The following RPA3 variants were observed in gnomAD, a reference collection of about 807,000 sequenced individuals.
The protein encoded by RPA3 is replication protein A3.
RPA3 carries 24 observed loss-of-function variants against 13.7 expected under a neutral mutation model. That is an observed-to-expected ratio of 1.75 (90% confidence interval 1.27 to 2.46). The LOEUF is 2.46. Among genes scored for constraint, RPA3 ranks in the 30% most tolerant of loss-of-function variants. RPA3 has a pLI of 0.00. For synonymous variants in RPA3, 59 were observed against 51.2 expected (o/e 1.15, Z -0.65); for missense variants, 183 against 151.0 (o/e 1.21, Z -1.11).
chr7:7,662,388 G>A (rs949554785), intron 4 of RPA3, among the ~76,000 whole-genome samples: 3 of 152,144 alleles, frequency 2.0e-5, no homozygotes, highest in African/African-American at 4.8e-5. Flanking sequence ...CAGCTAGCTC[G>A]ATGTCTGCCT....
chr7:7,680,419 C>T (rs977576922), intron 4 of RPA3, among the ~76,000 whole-genome samples: 2 of 152,032 alleles, frequency 1.3e-5, no homozygotes, highest in African/African-American at 4.8e-5. Context: ...TATGCCGGTA[C>T]TGTGCTATTT....
At chr7:7,660,583 A>C (rs896282930) in intron 4 of RPA3, among the ~76,000 whole-genome samples, 16 of 152,290 alleles carry the variant, frequency 1.1e-4, no homozygotes, top group African/African-American at 3.9e-4. Flanking sequence ...CTGGATATGA[A>C]ATTCTGTGTT....
chr7:7,673,307 A>G, intron 4 of RPA3: 2 of 1,080,634 alleles, frequency 1.9e-6, no homozygotes, highest in African/African-American at 3.6e-5. Flanking sequence ...TTTCTATTTC[A>G]GGTAGCAGCA....
intron 5 of RPA3, 112 bp downstream of exon 5, chr7:7,640,208 G>T: frequency 8.7e-7 from 1 of 1,146,416 alleles, no homozygotes; most frequent in Non-Finnish European, 1.3e-6. Context: ...AAATAAAGGA[G>T]TCGGGGGCGC....
At chr7:7,664,660 G>T (rs1364026926) in intron 4 of RPA3, among the ~76,000 whole-genome samples, 1 of 152,174 alleles carries the variant, frequency 6.6e-6, no homozygotes, top group East Asian at 1.9e-4. Flanking sequence ...CACATCAGAT[G>T]AAGTTAAACT....
chr7:7,691,516 A>G (rs936484144), intron 2 of RPA3, among the ~76,000 whole-genome samples: 5 of 152,206 alleles, frequency 3.3e-5, no homozygotes, highest in Admixed American at 1.3e-4. Context: ...CATGACATTC[A>G]CTATATGAAG....
At chr7:7,649,175 A>AAAAAAAG (rs1563082634) in intron 4 of RPA3, among the ~76,000 whole-genome samples, 9 of 104,518 alleles carry the variant, frequency 8.6e-5, no homozygotes, top group East Asian at 3.0e-4. Flanking sequence ...AAAAAAAAAA[A>AAAAAAAG]AAAAGAAAAG....
At chr7:7,679,711 A>AATATATATATATATATATATAT (rs372324513) in intron 4 of RPA3, among the ~76,000 whole-genome samples, 1 of 128,468 alleles carries the variant, frequency 7.8e-6, no homozygotes, top group African/African-American at 3.2e-5. Flanking sequence ...TTTATAGATA[A>AATATATATATATATATATATAT]ATATATATAT....
chr7:7,700,442 C>A (rs1276677710), intron 2 of RPA3, among the ~76,000 whole-genome samples: 1 of 152,052 alleles, frequency 6.6e-6, no homozygotes, highest in African/African-American at 2.4e-5. Context: ...AAGAAAAAGT[C>A]AGGCTGGGTG....
chr7:7,668,176 G>C (rs959911246), intron 4 of RPA3, among the ~76,000 whole-genome samples: 1 of 152,066 alleles, frequency 6.6e-6, no homozygotes, highest in Non-Finnish European at 1.5e-5. Flanking sequence ...GTCTCCCAAA[G>C]TGCTGGGATT....
chr7:7,668,224 C>T (rs1779519054), intron 4 of RPA3, among the ~76,000 whole-genome samples: 1 of 152,050 alleles, frequency 6.6e-6, no homozygotes, highest in Non-Finnish European at 1.5e-5. Flanking sequence ...TACTTTACTT[C>T]TTTTACTTAC....
At chr7:7,708,558 GAA>G (rs1780666190) in intron 2 of RPA3, among the ~76,000 whole-genome samples, 1 of 152,128 alleles carries the variant, frequency 6.6e-6, no homozygotes, top group Non-Finnish European at 1.5e-5. Flanking sequence ...TTTATAACTT[GAA>G]ACATTGAAAG....
At chr7:7,685,779 A>T (rs1381580598) in intron 4 of RPA3, 51 bp downstream of exon 4, 1 of 152,208 alleles carries the variant, frequency 6.6e-6, no homozygotes, top group African/African-American at 2.4e-5. Flanking sequence ...AAAAGAAAAA[A>T]ATTTAAGTGT....
At chr7:7,649,139 C>A (rs10234456) in intron 4 of RPA3, among the ~76,000 whole-genome samples, 36,337 of 124,746 alleles carry the variant, frequency 0.29, 4,832 homozygotes, top group Admixed American at 0.4. Context: ...GCCCGTGCGA[C>A]AAGAGCGAGA....
At position 7,639,091 on chromosome 7, in the gene RPA3, T is replaced by A; in HGVS notation, c.153A>T (p.Gly51=). The A allele has an allele frequency of 6.2e-7, 1 of 1,612,694 alleles. No homozygotes were observed. ...FILSDGEGKN[G]TIELMEPLDE... is the part of the protein sequence containing the mutation. ...ATACGGGTTCCATCAACTCGATGGT[T>A]CCATTTTTTCCTTCTCCATCTGAAA... Residue 51 remains glycine, a synonymous_variant, in exon 6 of 8, where the codon GGA becomes GGT. Coordinates refer to ENST00000223129, the MANE Select transcript of RPA3 (RefSeq NM_002947.5).
At chr7:7,717,749 A>G (rs931035158) in intron 1 of RPA3, among the ~76,000 whole-genome samples, 9 of 152,224 alleles carry the variant, frequency 5.9e-5, no homozygotes, top group Admixed American at 2.0e-4. Context: ...TTGTCATTGT[A>G]TAGTTCAGGA....
chr7:7,660,777 T>C (rs973640704), intron 4 of RPA3, among the ~76,000 whole-genome samples: 3 of 152,174 alleles, frequency 2.0e-5, no homozygotes, highest in Admixed American at 6.5e-5. Context: ...CAATTATGTG[T>C]CTTGAGGTTG....
At chr7:7,700,963 T>C (rs1280407909) in intron 2 of RPA3, among the ~76,000 whole-genome samples, 4 of 152,040 alleles carry the variant, frequency 2.6e-5, no homozygotes, top group Non-Finnish European at 5.9e-5. Flanking sequence ...GGCAAGAGAA[T>C]TGCTTGAGCC....
At chr7:7,683,686 G>A (rs1294223625) in intron 4 of RPA3, among the ~76,000 whole-genome samples, 1 of 151,776 alleles carries the variant, frequency 6.6e-6, no homozygotes, top group Non-Finnish European at 1.5e-5. Flanking sequence ...GCAGTGGCAT[G>A]GTCTCTGTTC....
Sources: gnomAD v4.1 joint callset for allele counts (sites outside exome capture counted in the v4.1 genomes callset) on GRCh38, gnomAD v4.1.1 for gene constraint, MANE v1.5 for transcripts, NCBI Gene and HGNC (gene_info 2026-07-23, HGNC 2026-07-21) for gene names.